Variants in SLC35F3 observed in about 807,000 individuals in gnomAD.
SLC35F3 encodes the protein putative thiamine transporter SLC35F3.
A neutral mutation model predicts 49.9 loss-of-function variants in SLC35F3; 25 were observed. That is an observed-to-expected ratio of 0.50 (90% confidence interval 0.37 to 0.70). SLC35F3 has a LOEUF of 0.70. Ranked by LOEUF, SLC35F3 falls within the 30% of genes least tolerant of loss-of-function variation. The probability of loss-of-function intolerance (pLI) is 0.00; values close to 1 mark genes in which losing one functional copy is unlikely to be tolerated. For synonymous variants in SLC35F3, 275 were observed against 265.4 expected (o/e 1.04, Z -0.35); for missense variants, 525 against 639.8 (o/e 0.82, Z 1.94).
At chr1:234,016,616 G>C (rs1362940381) in intron 2 of SLC35F3, among the ~76,000 whole-genome samples, 2 of 152,176 alleles carry the variant, frequency 1.3e-5, no homozygotes, top group East Asian at 3.8e-4. Flanking sequence ...GTAGAATGAT[G>C]GTTACCAGAG....
intron 2 of SLC35F3, among the ~76,000 whole-genome samples, chr1:234,218,663 A>G (rs1047828647): frequency 6.6e-6 from 1 of 152,192 alleles, no homozygotes; most frequent in African/African-American, 2.4e-5. Context: ...CTTCAAATCT[A>G]TATCTACCTG....
chr1:234,017,780 A>G (rs1055355405), intron 2 of SLC35F3, among the ~76,000 whole-genome samples: 8 of 150,814 alleles, frequency 5.3e-5, no homozygotes, highest in Non-Finnish European at 1.2e-4. Context: ...TGTTTTTGCC[A>G]TTACTTTCAA....
intron 3 of SLC35F3, chr1:234,306,545 A>G (rs575360989): frequency 2.6e-5 from 4 of 152,592 alleles, no homozygotes; most frequent in African/African-American, 9.6e-5. Context: ...AAATATCACA[A>G]AGCTCACCAG....
At chr1:234,257,135 A>C (rs974555547) in intron 3 of SLC35F3, among the ~76,000 whole-genome samples, 5 of 152,222 alleles carry the variant, frequency 3.3e-5, no homozygotes, top group African/African-American at 1.2e-4. Flanking sequence ...TTGGGGATAT[A>C]ATTTTATGAC....
intron 2 of SLC35F3, among the ~76,000 whole-genome samples, chr1:233,967,440 A>G (rs1195886124): frequency 1.3e-5 from 2 of 152,238 alleles, no homozygotes; most frequent in African/African-American, 4.8e-5. Flanking sequence ...AATATAAACA[A>G]TTGAGGATCT....
chr1:234,180,722 T>C (rs1173642138), intron 2 of SLC35F3, among the ~76,000 whole-genome samples: 1 of 152,210 alleles, frequency 6.6e-6, no homozygotes, highest in East Asian at 1.9e-4. Context: ...TAGAGGAACC[T>C]TGGAGTAAAG....
At position 233,975,327 on chromosome 1, in the gene SLC35F3, A is replaced by G. The variant is rs146792763; in HGVS notation, c.283+69569A>G. On this transcript the variant is annotated intron_variant, in intron 2 of 7. Transcript: ENST00000366618. Reference sequence around the variant, plus strand: ...TAGACCCCTGGTAGTTGCTAATGGCAGAAAGTGCTCACTGATGGAACCCTC... The same window carrying G: ...TAGACCCCTGGTAGTTGCTAATGGCGGAAAGTGCTCACTGATGGAACCCTC... Among the ~76,000 whole-genome samples, 433 of 152,360 alleles carry G rather than the reference A, an allele frequency of 2.8e-3. 2 individuals are homozygous for G. Among genetic ancestry groups the G allele is most frequent in the African/African-American group, 9.9e-3 (412 of 41,590 alleles).
chr1:234,230,253 A>G (rs1184487080), intron 2 of SLC35F3, among the ~76,000 whole-genome samples: 1 of 152,264 alleles, frequency 6.6e-6, no homozygotes, highest in Admixed American at 6.5e-5. Flanking sequence ...TGAAAAATAG[A>G]TTACATTGAA....
chr1:234,179,896 GAA>G, intron 2 of SLC35F3, among the ~76,000 whole-genome samples: 1 of 152,228 alleles, frequency 6.6e-6, no homozygotes, highest in South Asian at 2.1e-4. Context: ...AAGAGCAAAA[GAA>G]AAAAGGTAAA....
At chr1:234,285,431 C>A in intron 3 of SLC35F3, 1 of 437,608 alleles carries the variant, frequency 2.3e-6, no homozygotes, top group South Asian at 1.7e-5. Flanking sequence ...AGCTTGTTTC[C>A]AGCTCAGCAG....
At position 234,146,481 on chromosome 1, in the gene SLC35F3, C is replaced by CTTTTTTTTTTTTTTTT. The variant is rs869146212; in HGVS notation, c.284-84927_284-84912dup. Among the ~76,000 whole-genome samples, 470 of 74,038 alleles carry CTTTTTTTTTTTTTTTT rather than the reference C, an allele frequency of 6.3e-3. 94 individuals carry two copies. In the East Asian group the frequency reaches 0.13, roughly 21 times the overall value. The allele number at this position is 74,038 out of a possible 152,430, so 48.6% of individuals were successfully genotyped here. On this transcript the variant is annotated intron_variant, in intron 2 of 7. Coordinates refer to ENST00000366618, the MANE Select transcript of SLC35F3 (RefSeq NM_173508.4). ...AATAAAAGTTACCAAGATATTTGCT[C>CTTTTTTTTTTTTTTTT]TTTTTTTTTTTTTTTTTTTTTTTTC...
intron 2 of SLC35F3, among the ~76,000 whole-genome samples, chr1:233,979,983 G>T (rs1663153956): frequency 6.6e-6 from 1 of 152,226 alleles, no homozygotes; most frequent in Non-Finnish European, 1.5e-5. Flanking sequence ...CCCTGCACCT[G>T]ATCTCCACCA....
At chr1:234,125,154 G>A (rs764202886) in intron 2 of SLC35F3, among the ~76,000 whole-genome samples, 6 of 152,066 alleles carry the variant, frequency 3.9e-5, no homozygotes, top group Non-Finnish European at 8.8e-5. Flanking sequence ...AGTGTCAAGT[G>A]ATGAGACCAA....
intron 2 of SLC35F3, among the ~76,000 whole-genome samples, chr1:233,956,509 C>T (rs1260263942): frequency 6.6e-6 from 1 of 152,178 alleles, no homozygotes; most frequent in Non-Finnish European, 1.5e-5. Context: ...GACTTTTTCT[C>T]CCCTCTCCCT....
At chr1:233,934,028 C>T (rs748079707) in intron 2 of SLC35F3, among the ~76,000 whole-genome samples, 22 of 152,242 alleles carry the variant, frequency 1.4e-4, no homozygotes, top group Non-Finnish European at 2.8e-4. Flanking sequence ...TAGAGTTTAG[C>T]GGGAAGTGCT....
intron 2 of SLC35F3, among the ~76,000 whole-genome samples, chr1:234,091,457 T>C (rs1274838077): frequency 6.6e-6 from 1 of 152,214 alleles, no homozygotes; most frequent in African/African-American, 2.4e-5. Flanking sequence ...GGGGAACCCT[T>C]GGAGGAAATT....
chr1:234,162,878 C>T (rs982026806), intron 2 of SLC35F3, among the ~76,000 whole-genome samples: 1 of 152,232 alleles, frequency 6.6e-6, no homozygotes, highest in Non-Finnish European at 1.5e-5. Context: ...GTGAAGATAG[C>T]TTAGTCATTG....
chr1:234,108,486 A>AGATATATATTATTTATATATATAAAT (rs1558231547), intron 2 of SLC35F3, among the ~76,000 whole-genome samples: 41 of 116,244 alleles, frequency 3.5e-4, no homozygotes, highest in Admixed American at 1.9e-3. Context: ...TATATATAAA[A>AGATATATATTATTTATATATATAAAT]GATATATATT....
At chr1:234,038,046 TTGGG>T (rs1311533700) in intron 2 of SLC35F3, among the ~76,000 whole-genome samples, 1 of 151,976 alleles carries the variant, frequency 6.6e-6, no homozygotes, top group African/African-American at 2.4e-5. Context: ...ATGTGCCATG[TTGGG>T]GTGCTGCACC....
Sources: gnomAD v4.1 joint callset for allele counts (sites outside exome capture counted in the v4.1 genomes callset) on GRCh38, gnomAD v4.1.1 for gene constraint, MANE v1.5 for transcripts, NCBI Gene and HGNC (gene_info 2026-07-23, HGNC 2026-07-21) for gene names.